MAL2: variants seen among roughly 807,000 people sequenced by gnomAD.
MAL2 encodes the protein mal, T cell differentiation protein 2, also known as protein MAL2.
MAL2 carries 17 observed loss-of-function variants against 18.1 expected under a neutral mutation model. That is an observed-to-expected ratio of 0.94 (90% CI 0.64 to 1.41). The LOEUF is 1.41. Ranked by LOEUF, MAL2 falls within the 40% of genes most tolerant of loss-of-function variation. The probability of loss-of-function intolerance (pLI) is 0.00; values close to 1 mark genes in which losing one functional copy is unlikely to be tolerated. For synonymous variants in MAL2, 102 were observed against 102.3 expected, an observed-to-expected ratio of 1.00 and a Z score of 0.02; for missense variants, 222 against 231.9, an observed-to-expected ratio of 0.96 and a Z score of 0.28.
chr8:119,218,549 C>T (rs1053575918), intron 1 of MAL2, among the ~76,000 whole-genome samples: 1 of 152,056 alleles, frequency 6.6e-6, no homozygotes, highest in Non-Finnish European at 1.5e-5. Flanking sequence ...TTTTATAGCA[C>T]CCACCGCAAT....
chr8:119,215,230 A>G (rs1359296459), intron 1 of MAL2: 1 of 152,126 alleles, frequency 6.6e-6, no homozygotes, highest in African/African-American at 2.4e-5. Context: ...TAACTTGAGA[A>G]TTGAGAAGTA....
rs191338962 is a variant in MAL2, at chr8:119,214,175, C to A, written c.132+5571C>A. 7.2e-5 allele frequency among the ~76,000 whole-genome samples: 11 copies of A among 152,318 alleles called. No individual in the cohort carries two copies. In the South Asian group the frequency reaches 2.3e-3, roughly 32 times the overall value. On this transcript the variant is annotated intron_variant, in intron 1 of 3. Transcript: ENST00000614891. ...TGGCATACCCAGTATCATGCACATG[C>A]AGTACTTAACAAATGCTACTTGTTT...
Position 119,240,250 on chromosome 8 carries a change from A to G in MAL2, c.389A>G (p.His130Arg). 1 of 1,613,742 alleles carries G rather than the reference A, an allele frequency of 6.2e-7. No individual in the cohort carries two copies. The highest frequency in any genetic ancestry group is 8.5e-7 in the Non-Finnish European group (1 of 1,179,834). ...EAAATSLHDL[H>R]CNTTITGQPL... ...GCAGCCACATCCCTGCATGATTTGC[A>G]TTGCAATACAACCATAACCGGGCAG... Residue 130 changes from histidine to arginine, a missense_variant, in exon 3 of 4, where the codon CAT becomes CGT. His to Arg is a conservative substitution (Grantham distance 29, BLOSUM62 0). Transcript: ENST00000614891.
chr8:119,230,820 C>CTAA (rs1817704964), intron 2 of MAL2, among the ~76,000 whole-genome samples: 1 of 152,104 alleles, frequency 6.6e-6, no homozygotes, highest in South Asian at 2.1e-4. Flanking sequence ...CCTTCATCAG[C>CTAA]TAATATTTGT....
At chr8:119,232,231 A>T (rs1415346922) in intron 2 of MAL2, among the ~76,000 whole-genome samples, 3 of 151,880 alleles carry the variant, frequency 2.0e-5, no homozygotes, top group Admixed American at 6.6e-5. Flanking sequence ...AATTAAAATA[A>T]TTTTTTTTGA....
rs200591318 is a variant in MAL2 at position 119,237,535 on chromosome 8, G to C, written c.304-2630G>C. ...CTTGATGAACATTGATGCAAAAATC[G>C]TCAATAAAATACTGGCAAAACGAAT... On this transcript the variant is annotated intron_variant, in intron 2 of 3. Coordinates refer to ENST00000614891, the MANE Select transcript of MAL2 (RefSeq NM_052886.3). Among the ~76,000 whole-genome samples the C allele has an allele frequency of 7.5e-3, 1,129 of 149,890 alleles. 22 individuals are homozygous for C. The highest frequency in any genetic ancestry group is 0.015 in the African/African-American group (606 of 39,378).
intron 2 of MAL2, among the ~76,000 whole-genome samples, chr8:119,224,805 AAAT>A (rs1373741067): frequency 2.6e-5 from 4 of 152,220 alleles, no homozygotes; most frequent in African/African-American, 7.2e-5. Context: ...TTTGGTTTTC[AAAT>A]AATAAGTGAG....
chr8:119,224,836 A>C (rs190605096), intron 2 of MAL2, among the ~76,000 whole-genome samples: 47 of 152,288 alleles, frequency 3.1e-4, no homozygotes, highest in Non-Finnish European at 6.6e-4. Flanking sequence ...ATTTAGAATA[A>C]CGGCCTCCAG....
At chr8:119,239,713 T>G (rs577918943) in intron 2 of MAL2, among the ~76,000 whole-genome samples, 1 of 151,472 alleles carries the variant, frequency 6.6e-6, no homozygotes, top group East Asian at 1.9e-4. Context: ...AGGTGGGAAT[T>G]GAACAATGAG....
At chr8:119,209,963 A>G (rs1240971528) in intron 1 of MAL2, among the ~76,000 whole-genome samples, 1 of 151,996 alleles carries the variant, frequency 6.6e-6, no homozygotes, top group African/African-American at 2.4e-5. Flanking sequence ...CACGTTTAGA[A>G]CTGGAAGATC....
chr8:119,244,704 C>T lies in MAL2; in HGVS notation c.*1216C>T, dbSNP rs921752306. 1 of 152,152 alleles carries T rather than the reference C, an allele frequency of 6.6e-6. No homozygotes were observed. The highest frequency in any genetic ancestry group is 1.9e-4 in the East Asian group (1 of 5,196). The allele number at this position is 152,152 out of a possible 1,614,324, so 9.4% of individuals were successfully genotyped here. On this transcript the variant is annotated 3_prime_UTR_variant, in exon 4 of 4. Transcript: ENST00000614891. ...TTATGTGTTTTTGTATTAGCCCAGA[C>T]ATCTGTAATGTTTTTGCACTGGTGA... is the stretch of plus-strand genomic sequence containing the variant.
intron 3 of MAL2, 81 bp from the exon 4 acceptor site, chr8:119,243,336 C>G (rs1452845206): frequency 7.0e-6 from 7 of 997,936 alleles, no homozygotes; most frequent in Non-Finnish European, 9.8e-6. Context: ...GTTGGTCAAA[C>G]TTCATATGGT....
intron 3 of MAL2, among the ~76,000 whole-genome samples, chr8:119,241,696 A>C (rs923539380): frequency 1.3e-5 from 2 of 152,180 alleles, no homozygotes; most frequent in African/African-American, 2.4e-5. Flanking sequence ...GAGTGCCTGC[A>C]ATGAATTAGG....
In MAL2 at chr8:119,220,913, G is replaced by GAAACC. The variant is rs146523670; in HGVS notation, c.133-671_133-667dup. Among the ~76,000 whole-genome samples the GAAACC allele has an allele frequency of 2.8e-3, 429 of 152,292 alleles. 1 individual carries two copies. The highest frequency in any genetic ancestry group is 9.7e-3 in the African/African-American group (404 of 41,562). ...ATAGACTGTGAGTTCTGTGGTGACA[G>GAAACC]AAACCAAGTGTAACCTGTTTACCAT... is the stretch of plus-strand genomic sequence containing the variant. On this transcript the variant is annotated intron_variant, in intron 1 of 3. Transcript: ENST00000614891.
Position 119,208,991 on chromosome 8 carries a change from T to G in MAL2, c.132+387T>G. On this transcript the variant is annotated intron_variant, in intron 1 of 3. Transcript: ENST00000614891. The surrounding 1 kb of genome is among the most constrained non-coding windows in gnomAD (Gnocchi z 4.3). ...CCTGGCTCTCGGCCTCGCCTGTTGCTAACCTGCCATTTTGTTGGGTGGTGC... is the reference window on the plus strand; with the variant it reads ...CCTGGCTCTCGGCCTCGCCTGTTGCGAACCTGCCATTTTGTTGGGTGGTGC... The G allele has an allele frequency of 6.3e-6, 1 of 159,006 alleles. No homozygotes were observed. The allele number at this position is 159,006 out of a possible 1,614,324, so 9.8% of individuals were successfully genotyped here. A position where few individuals can be genotyped will look rare whatever the true frequency, so the allele number is the denominator to read the frequency against.
In MAL2 at chr8:119,245,636, A is replaced by T. The variant is rs186274257; in HGVS notation, c.*2148A>T. On this transcript the variant is annotated 3_prime_UTR_variant, in exon 4 of 4. Transcript: ENST00000614891. ...TCCATGATGAAAAGAAATTTATTTT[A>T]TACGTGTTATGTCTCTAATAAAGTA... 1.2e-3 allele frequency: 190 copies of T among 152,112 alleles called. No individual in the cohort carries two copies. The highest frequency in any genetic ancestry group is 4.3e-3 in the African/African-American group (179 of 41,300). The allele number at this position is 152,112 out of a possible 1,614,324, so 9.4% of individuals were successfully genotyped here. A position where few individuals can be genotyped will look rare whatever the true frequency, so the allele number is the denominator to read the frequency against.
At chr8:119,231,887 A>G (rs948185151) in intron 2 of MAL2, among the ~76,000 whole-genome samples, 4 of 150,952 alleles carry the variant, frequency 2.6e-5, no homozygotes, top group African/African-American at 9.9e-5. Context: ...GAAGTAGAGA[A>G]TAGAATGGTG....
intron 2 of MAL2, among the ~76,000 whole-genome samples, chr8:119,230,103 C>T (rs1817685454): frequency 6.6e-6 from 1 of 152,134 alleles, no homozygotes; most frequent in Non-Finnish European, 1.5e-5. Flanking sequence ...TTCTTCTCTA[C>T]CAGGTCTAGT....
At chr8:119,225,173 GGTTA>G (rs1468253095) in intron 2 of MAL2, among the ~76,000 whole-genome samples, 6 of 152,072 alleles carry the variant, frequency 3.9e-5, no homozygotes, top group African/African-American at 9.7e-5. Flanking sequence ...ACAACGTGCA[GGTTA>G]GTTACATATG....
Sources: gnomAD v4.1 joint callset for allele counts (sites outside exome capture counted in the v4.1 genomes callset) on GRCh38, gnomAD v4.1.1 for gene constraint, Gnocchi (gnomAD v3.1) non-coding constraint, MANE v1.5 for transcripts, NCBI Gene and HGNC (gene_info 2026-07-23, HGNC 2026-07-21) for gene names.